The following DCHS2 variants were observed in gnomAD, a reference collection of about 807,000 sequenced individuals.
The protein encoded by DCHS2 is protocadherin-23.
In DCHS2, 142 loss-of-function variants were observed where a neutral mutation model predicts 182.4. That is an observed-to-expected ratio of 0.78 (90% CI 0.68 to 0.89). DCHS2 has a LOEUF of 0.89. Ranked by LOEUF, DCHS2 falls within the 40% of genes least tolerant of loss-of-function variation. The pLI is 0.00. For synonymous variants in DCHS2, 1,740 were observed against 1,663.3 expected (o/e 1.05, Z -1.12); for missense variants, 4,319 against 4,198.6 (o/e 1.03, Z -0.79).
rs576687940 is a variant in DCHS2, at chr4:154,343,706, G to A, written c.2477-8602C>T. On this transcript the variant is annotated intron_variant, in intron 3 of 19. Coordinates refer to ENST00000357232, the MANE Select transcript of DCHS2 (RefSeq NM_001358235.2). ...TTAGGCTTTGGCTTAAGGGAATGATGTGGCTGCTTTGATCTATCCAGACCA... is the reference window on the plus strand; with the variant it reads ...TTAGGCTTTGGCTTAAGGGAATGATATGGCTGCTTTGATCTATCCAGACCA... The A allele has an allele frequency of 2.0e-5, 27 of 1,324,630 alleles. No individual in the cohort carries two copies. In the African/African-American group the frequency reaches 3.7e-4, roughly 18 times the overall value. 82.1% of individuals were successfully genotyped at this position (1,324,630 alleles called of 1,614,324 possible).
rs796183078 is a variant in DCHS2, at chr4:154,298,129, G to A, written c.6185C>T (p.Ala2062Val). The A allele has an allele frequency of 6.2e-7, 1 of 1,613,966 alleles. No homozygotes were observed. The highest frequency in any genetic ancestry group is 1.1e-5 in the South Asian group (1 of 91,078). ...ATTGGGCCCCAAGTCCAGGTCATCA[G>A]CTCTCACAATGACAGTTGTCTGGTT... ...PTNQTTVIVR[A>V]DDLDLGPNGT... is the part of the protein sequence containing the mutation. Residue 2062 changes from alanine (A) to valine (V), a missense_variant, in exon 13 of 20, where the codon GCT becomes GTT. Coordinates refer to ENST00000357232, the MANE Select transcript of DCHS2 (RefSeq NM_001358235.2).
intron 10 of DCHS2, among the ~76,000 whole-genome samples, chr4:154,307,126 T>C (rs4696545): frequency 0.3 from 45,357 of 152,146 alleles, 8,229 homozygotes; most frequent in Non-Finnish European, 0.41. Context: ...GTAAATTAAA[T>C]GTATTTTACT....
intron 2 of DCHS2, among the ~76,000 whole-genome samples, chr4:154,376,080 A>C (rs1427619368): frequency 6.6e-6 from 1 of 151,820 alleles, no homozygotes; most frequent in Non-Finnish European, 1.5e-5. Context: ...GGATGGGGGC[A>C]TGGAGGGGTG....
rs1054943474 is a variant in DCHS2 at position 154,490,781 on chromosome 4, T to C, written c.575A>G (p.His192Arg). 1.3e-6 allele frequency: 2 copies of C among 1,551,576 alleles called. No homozygotes were observed. Among genetic ancestry groups the C allele is most frequent in the Non-Finnish European group, 1.7e-6 (2 of 1,146,888 alleles). The change falls in exon 1 of 20, where the codon CAC becomes CGC. Residue 192 changes from histidine (H) to arginine (R), a missense_variant. His to Arg is a conservative substitution (Grantham distance 29). Transcript: ENST00000357232. ...GCTGAACAGTCCGGCGTCCGGATCG[T>C]GGGCAACTGGCAGGCGGAAGGCGGT... ...PGTAFRLPVA[H>R]DPDAGLFSTQ... is the part of the protein sequence containing the mutation.
At chr4:154,313,530 C>T (rs950206500) in intron 10 of DCHS2, among the ~76,000 whole-genome samples, 1 of 151,842 alleles carries the variant, frequency 6.6e-6, no homozygotes, top group Non-Finnish European at 1.5e-5. Flanking sequence ...TAAAGTAAAC[C>T]ATTCATAAAT....
intron 1 of DCHS2, among the ~76,000 whole-genome samples, chr4:154,470,325 AT>A (rs1050461876): frequency 6.6e-6 from 1 of 152,078 alleles, no homozygotes; most frequent in African/African-American, 2.4e-5. Flanking sequence ...CTGTACAAAA[AT>A]AAAATAAAAT....
At chr4:154,383,683 G>C (rs983601153) in intron 1 of DCHS2, among the ~76,000 whole-genome samples, 3 of 151,836 alleles carry the variant, frequency 2.0e-5, no homozygotes, top group African/African-American at 7.3e-5. Context: ...AGGATAATAG[G>C]GCTTCCTCCC....
intron 3 of DCHS2, among the ~76,000 whole-genome samples, chr4:154,341,322 C>T (rs941849538): frequency 6.0e-5 from 9 of 149,744 alleles, no homozygotes; most frequent in Non-Finnish European, 1.3e-4. Context: ...TGAGCCGAGA[C>T]CGCGCCACTG....
At position 154,329,525 on chromosome 4, in the gene DCHS2, T is replaced by G; in HGVS notation, c.3916A>C (p.Lys1306Gln). The G allele has an allele frequency of 6.2e-7, 1 of 1,612,560 alleles. No individual in the cohort carries two copies. Among genetic ancestry groups the G allele is most frequent in the East Asian group, 2.2e-5 (1 of 44,868 alleles). The change falls in exon 6 of 20, where the codon AAG becomes CAG. Residue 1306 changes from lysine (K) to glutamine (Q), a missense_variant and splice_region_variant. Coordinates refer to ENST00000357232, the MANE Select transcript of DCHS2 (RefSeq NM_001358235.2). ...QCLPGKELHV[K>Q]VLEGQPVNML... ...CATTGCAAGGTTTCTTCACAAACCT[T>G]CACGTGTAACTCCTTTCCAGGGAGA...
chr4:154,301,627 T>C (rs1735196848), intron 12 of DCHS2, among the ~76,000 whole-genome samples: 2 of 152,184 alleles, frequency 1.3e-5, no homozygotes, highest in Non-Finnish European at 2.9e-5. Flanking sequence ...TGCCTCAGCC[T>C]CCCGAGTAGC....
chr4:154,354,829 A>G (rs1407292852), intron 3 of DCHS2: 1 of 152,154 alleles, frequency 6.6e-6, no homozygotes, highest in Non-Finnish European at 1.5e-5. Context: ...TGCTGTCATG[A>G]ATGCATGAAG....
At chr4:154,396,270 G>C (rs1490983613) in intron 1 of DCHS2, among the ~76,000 whole-genome samples, 1 of 151,734 alleles carries the variant, frequency 6.6e-6, no homozygotes, top group Non-Finnish European at 1.5e-5. Context: ...AGGGAGGGAG[G>C]GAGGGAAAAA....
In DCHS2 at chr4:154,441,626, T is replaced by TAAA. The variant is rs10683172; in HGVS notation, c.2052+47675_2052+47677dup. On this transcript the variant is annotated intron_variant, in intron 1 of 19. Transcript: ENST00000357232. Reference sequence around the variant, plus strand: ...GTACCAGAACATTCTTTCCCTGAATTAAAAAAAAAAACTATAACACAACAT... The same window carrying TAAA: ...GTACCAGAACATTCTTTCCCTGAATTAAAAAAAAAAAAAACTATAACACAACAT... Among the ~76,000 whole-genome samples, 139 of 149,664 alleles carry TAAA rather than the reference T, an allele frequency of 9.3e-4. 1 individual carries two copies. Among genetic ancestry groups the TAAA allele is most frequent in the South Asian group, 1.7e-3 (8 of 4,752 alleles).
intron 16 of DCHS2, 116 bp downstream of exon 16, chr4:154,255,403 A>G: frequency 1.5e-6 from 2 of 1,337,764 alleles, no homozygotes; most frequent in Non-Finnish European, 2.0e-6. Context: ...AGTTGGATCA[A>G]AGGGATAACA....
chr4:154,415,811 ACT>A (rs1484714468), intron 1 of DCHS2, among the ~76,000 whole-genome samples: 2 of 152,162 alleles, frequency 1.3e-5, no homozygotes, highest in South Asian at 2.1e-4. Context: ...GTGGCAGAAC[ACT>A]CTGAGTTTTC....
At chr4:154,406,828 A>G (rs1732421756) in intron 1 of DCHS2, among the ~76,000 whole-genome samples, 1 of 152,188 alleles carries the variant, frequency 6.6e-6, no homozygotes. Context: ...TGTATATCCC[A>G]CAGTTTCTTC....
intron 1 of DCHS2, among the ~76,000 whole-genome samples, chr4:154,472,910 T>C (rs993115434): frequency 6.6e-6 from 1 of 152,174 alleles, no homozygotes; most frequent in African/African-American, 2.4e-5. Context: ...TTGAAAATCA[T>C]TCAACAGAAA....
intron 10 of DCHS2, among the ~76,000 whole-genome samples, chr4:154,309,978 G>T (rs141410872): frequency 2.8e-4 from 42 of 152,272 alleles, no homozygotes; most frequent in African/African-American, 8.7e-4. Flanking sequence ...GTCATGGTTA[G>T]AAAGCTGGAA....
At position 154,490,749 on chromosome 4, in the gene DCHS2, C is replaced by T. The variant is rs111797616; in HGVS notation, c.607G>A (p.Gly203Ser). 2 of 1,551,624 alleles carry T rather than the reference C, an allele frequency of 1.3e-6. No homozygotes were observed. The highest frequency in any genetic ancestry group is 2.7e-5 in the African/African-American group (2 of 73,176). Residue 203 changes from glycine (G) to serine (S), a missense_variant, in exon 1 of 20, where the codon GGC (glycine) becomes AGC (serine). Transcript: ENST00000357232. Reference protein sequence around the residue: ...DPDAGLFSTQGYTLVQPSDLP... With the variant: ...DPDAGLFSTQSYTLVQPSDLP... ...TCGGACGGTTGCACCAGGGTGTAGCCCTGAGTGCTGAACAGTCCGGCGTCC... is the reference window on the plus strand; with the variant it reads ...TCGGACGGTTGCACCAGGGTGTAGCTCTGAGTGCTGAACAGTCCGGCGTCC...
Sources: allele counts gnomAD v4.1 joint callset (sites outside exome capture counted in the v4.1 genomes callset), GRCh38; gene constraint gnomAD v4.1.1; transcripts MANE v1.5; gene names NCBI Gene and HGNC (gene_info 2026-07-23, HGNC 2026-07-21).